Variants in ALOX5 observed in about 807,000 individuals in gnomAD.
ALOX5 encodes polyunsaturated fatty acid 5-lipoxygenase.
ALOX5 carries 64 observed loss-of-function variants against 87.9 expected under a neutral mutation model. The ratio of observed to expected loss-of-function variants is 0.73; its 90% CI spans 0.60 to 0.90. The LOEUF (loss-of-function observed/expected upper bound fraction) is 0.90. Among genes scored for constraint, ALOX5 ranks in the 40% least tolerant of loss-of-function variants. ALOX5 has a pLI of 0.00. For missense variants in ALOX5, 822 were observed against 907.5 expected (o/e 0.91, Z 1.21); for synonymous variants, 388 against 355.1 (o/e 1.09, Z -1.04).
rs765559823 is a variant in ALOX5, at chr10:45,425,150, G to T, written c.834+18G>T. 6.2e-7 allele frequency: 1 copy of T among 1,608,756 alleles called. No homozygotes were observed. The highest frequency in any genetic ancestry group is 1.7e-5 in the Admixed American group (1 of 59,644). ...AGGTCCAGGTAGGGGTTGATGGGCT[G>T]GGGAAGTGGCCAAGGTCACAGTCTG... On this transcript the variant is annotated intron_variant, in intron 6 of 13. Coordinates refer to ENST00000374391, the MANE Select transcript of ALOX5 (RefSeq NM_000698.5). The surrounding 1 kb of genome is among the most constrained non-coding windows in gnomAD (Gnocchi z 4.4).
intron 1 of ALOX5, among the ~76,000 whole-genome samples, chr10:45,376,735 G>T (rs1839628421): frequency 6.6e-6 from 1 of 152,148 alleles, no homozygotes; most frequent in South Asian, 2.1e-4. Flanking sequence ...TAATGGACAG[G>T]ACTGATTTTT....
At chr10:45,402,421 C>T (rs1052280445) in intron 3 of ALOX5, among the ~76,000 whole-genome samples, 3 of 152,082 alleles carry the variant, frequency 2.0e-5, no homozygotes, top group African/African-American at 4.8e-5. Flanking sequence ...ACGGAGGGCT[C>T]GGCTGATGGG....
At chr10:45,436,041 A>C (rs1158872603) in intron 7 of ALOX5, among the ~76,000 whole-genome samples, 2 of 151,996 alleles carry the variant, frequency 1.3e-5, no homozygotes, top group African/African-American at 4.8e-5. Flanking sequence ...GCATTTTTTC[A>C]TATGTTTGTT....
intron 4 of ALOX5, among the ~76,000 whole-genome samples, chr10:45,420,351 T>C (rs924101555): frequency 1.3e-5 from 2 of 152,242 alleles, no homozygotes; most frequent in Non-Finnish European, 2.9e-5. Context: ...ATCATGTTGT[T>C]AAAAATGCAT....
intron 7 of ALOX5, among the ~76,000 whole-genome samples, chr10:45,435,510 C>T (rs1432434362): frequency 6.6e-6 from 1 of 152,168 alleles, no homozygotes; most frequent in African/African-American, 2.4e-5. Context: ...TAAATAAGAA[C>T]ATGCAGTATT....
intron 2 of ALOX5, among the ~76,000 whole-genome samples, chr10:45,386,406 C>T (rs550312133): frequency 1.3e-5 from 2 of 151,998 alleles, no homozygotes; most frequent in African/African-American, 4.8e-5. Context: ...TTCAAGGCTG[C>T]AGGGAGCTAT....
chr10:45,419,533 T>G (rs1460194750), intron 4 of ALOX5, among the ~76,000 whole-genome samples: 1 of 152,146 alleles, frequency 6.6e-6, no homozygotes, highest in Non-Finnish European at 1.5e-5. Flanking sequence ...GCCAGCCACA[T>G]GCCCCGTGCT....
chr10:45,418,911 G>T (rs1270627220), intron 4 of ALOX5, among the ~76,000 whole-genome samples: 1 of 152,230 alleles, frequency 6.6e-6, no homozygotes, highest in South Asian at 2.1e-4. Flanking sequence ...CAGTGGGGCG[G>T]GACAGTGCAG....
At chr10:45,388,438 TCCAGTAGGGGCAGACTG>T in intron 2 of ALOX5, among the ~76,000 whole-genome samples, 1 of 152,158 alleles carries the variant, frequency 6.6e-6, no homozygotes, top group Non-Finnish European at 1.5e-5. Flanking sequence ...GGAGGCACCC[TCCAGTAGGGGCAGACTG>T]ACACCCCACA....
chr10:45,414,423 A>G (rs1287563728), intron 4 of ALOX5, among the ~76,000 whole-genome samples: 1 of 152,224 alleles, frequency 6.6e-6, no homozygotes, highest in African/African-American at 2.4e-5. Flanking sequence ...CTTACACCTT[A>G]TACAAAAATT....
intron 8 of ALOX5, 61 bp downstream of exon 8, chr10:45,440,694 A>G: frequency 6.5e-7 from 1 of 1,544,018 alleles, no homozygotes; most frequent in Non-Finnish European, 8.9e-7. Flanking sequence ...AGTGGGAGGG[A>G]TCACTGACAT....
At chr10:45,402,134 A>G (rs1004880319) in intron 3 of ALOX5, among the ~76,000 whole-genome samples, 4 of 151,294 alleles carry the variant, frequency 2.6e-5, no homozygotes, top group South Asian at 2.1e-4. Context: ...CGAGCCATGT[A>G]TGGGTCCCTG....
At chr10:45,391,234 A>C (rs1840233761) in intron 2 of ALOX5, among the ~76,000 whole-genome samples, 1 of 151,932 alleles carries the variant, frequency 6.6e-6, no homozygotes, top group South Asian at 2.1e-4. Context: ...CTGCGATTGC[A>C]GGTGCGCACC....
intron 3 of ALOX5, among the ~76,000 whole-genome samples, chr10:45,401,437 T>C (rs2132730958): frequency 6.6e-6 from 1 of 152,344 alleles, no homozygotes; most frequent in South Asian, 2.1e-4. Context: ...TTTTATGAAC[T>C]TTTTCATAAA....
rs994115697 is a variant in ALOX5 at position 45,443,554 on chromosome 10, G to A, written c.1573+17G>A. 5 of 1,606,970 alleles carry A rather than the reference G, an allele frequency of 3.1e-6. No individual in the cohort carries two copies. In the South Asian group the frequency reaches 3.3e-5, roughly 11 times the overall value. Reference sequence around the variant, plus strand: ...AGTCCTCAGGTAGGGCCTCCGGGACGTCTCCGGACCCGGCTCCCCCGCAGT... The same window carrying A: ...AGTCCTCAGGTAGGGCCTCCGGGACATCTCCGGACCCGGCTCCCCCGCAGT... On this transcript the variant is annotated intron_variant, in intron 11 of 13. Transcript: ENST00000374391.
intron 3 of ALOX5, among the ~76,000 whole-genome samples, chr10:45,405,057 C>T (rs1840829180): frequency 6.6e-6 from 1 of 152,244 alleles, no homozygotes; most frequent in Non-Finnish European, 1.5e-5. Flanking sequence ...CCCCTATTCA[C>T]TGACGTTCAG....
At chr10:45,391,083 CTCTCCCTCTCCCCACGG>C (rs1840223687) in intron 2 of ALOX5, among the ~76,000 whole-genome samples, 1 of 137,450 alleles carries the variant, frequency 7.3e-6, no homozygotes, top group African/African-American at 2.8e-5. Flanking sequence ...CACGGTCTCC[CTCTCCCTCTCCCCACGG>C]TCTCCCTCTC....
chr10:45,427,157 G>A (rs1393868800), intron 6 of ALOX5, among the ~76,000 whole-genome samples: 1 of 152,202 alleles, frequency 6.6e-6, no homozygotes. Flanking sequence ...AATGCTGCAG[G>A]CATTGGCCCC....
intron 3 of ALOX5, among the ~76,000 whole-genome samples, chr10:45,399,886 G>T (rs184049550): frequency 6.6e-6 from 1 of 152,256 alleles, no homozygotes; most frequent in African/African-American, 2.4e-5. Flanking sequence ...CAATAAGCAC[G>T]TGAAAATATG....
Sources: allele counts gnomAD v4.1 joint callset (sites outside exome capture counted in the v4.1 genomes callset), GRCh38; gene constraint gnomAD v4.1.1; non-coding constraint Gnocchi (gnomAD v3.1); transcripts MANE v1.5; gene names NCBI Gene and HGNC (gene_info 2026-07-23, HGNC 2026-07-21).